The following SLC2A13 variants were observed in gnomAD, a reference collection of about 807,000 sequenced individuals.
SLC2A13 encodes proton myo-inositol cotransporter.
SLC2A13 carries 32 observed loss-of-function variants against 64.4 expected under a neutral mutation model. That is an observed-to-expected ratio of 0.50 (90% CI 0.37 to 0.67). The LOEUF (loss-of-function observed/expected upper bound fraction) is 0.67. SLC2A13 is among the 30% of genes least tolerant of loss of function. The pLI, the probability that SLC2A13 is intolerant of heterozygous loss-of-function variation, is 0.00. For missense variants in SLC2A13, 743 were observed against 829.2 expected (o/e 0.90, Z 1.28); for synonymous variants, 338 against 327.1 (o/e 1.03, Z -0.36).
At chr12:39,891,254 A>G (rs1944601924) in intron 4 of SLC2A13, among the ~76,000 whole-genome samples, 1 of 150,832 alleles carries the variant, frequency 6.6e-6, no homozygotes, top group Non-Finnish European at 1.5e-5. Context: ...CCCTGTGACT[A>G]CCATTCTATA....
At chr12:39,996,160 C>A (rs532725603) in intron 3 of SLC2A13, among the ~76,000 whole-genome samples, 1 of 152,088 alleles carries the variant, frequency 6.6e-6, no homozygotes, top group African/African-American at 2.4e-5. Flanking sequence ...GAACTTATTG[C>A]GGAATGGAGT....
At chr12:39,795,919 C>T (rs992562314) in intron 7 of SLC2A13, among the ~76,000 whole-genome samples, 2 of 152,074 alleles carry the variant, frequency 1.3e-5, no homozygotes, top group African/African-American at 2.4e-5. Context: ...CCTTTTAAAG[C>T]ATATAACTCA....
chr12:39,829,392 CTTTTTT>C (rs1202354539), intron 7 of SLC2A13: 5 of 65,796 alleles, frequency 7.6e-5, no homozygotes, highest in Non-Finnish European at 1.3e-4. Context: ...GATAGTAATT[CTTTTTT>C]TTTTTTTTTT....
chr12:39,878,428 C>T lies in SLC2A13; in HGVS notation c.1035-6467G>A, dbSNP rs574410509. Among the ~76,000 whole-genome samples, 5 of 152,282 alleles carry T rather than the reference C, an allele frequency of 3.3e-5. No individual in the cohort carries two copies. In the South Asian group the frequency reaches 1.0e-3, roughly 32 times the overall value. ...ACGGTGAAGTCTAGACTGCTGAGGT[C>T]TCAGGTAGAAATGAGGAACTTATTG... is the stretch of plus-strand genomic sequence containing the variant. On this transcript the variant is annotated intron_variant, in intron 4 of 9. Coordinates refer to ENST00000280871, the MANE Select transcript of SLC2A13 (RefSeq NM_052885.4).
intron 3 of SLC2A13, among the ~76,000 whole-genome samples, chr12:39,988,502 GAA>G (rs1158221377): frequency 3.1e-5 from 4 of 129,562 alleles, no homozygotes; most frequent in Non-Finnish European, 6.6e-5. Context: ...AGGAGAAAAA[GAA>G]AGAAAGAATG....
At chr12:39,804,705 C>G (rs552926953) in intron 7 of SLC2A13, among the ~76,000 whole-genome samples, 26 of 152,088 alleles carry the variant, frequency 1.7e-4, no homozygotes, top group Non-Finnish European at 3.1e-4. Context: ...TCTGTCCTCT[C>G]AGAGGACAGA....
chr12:39,815,720 T>C (rs138538065), intron 7 of SLC2A13, among the ~76,000 whole-genome samples: 2,142 of 152,268 alleles, frequency 0.014, 62 homozygotes, highest in African/African-American at 0.049. Context: ...TTTGAAGCAA[T>C]AGCTGAAAAG....
At chr12:39,902,358 TAAAA>T (rs57549426) in intron 4 of SLC2A13, among the ~76,000 whole-genome samples, 1 of 151,134 alleles carries the variant, frequency 6.6e-6, no homozygotes, top group Non-Finnish European at 1.5e-5. Flanking sequence ...AAATAAAAAT[TAAAA>T]AAAAGAAGAG....
intron 7 of SLC2A13, among the ~76,000 whole-genome samples, chr12:39,827,601 T>C (rs1485775965): frequency 6.6e-6 from 1 of 152,136 alleles, no homozygotes; most frequent in East Asian, 1.9e-4. Flanking sequence ...GGGATGCATG[T>C]TGGAGGTGTA....
At chr12:39,999,006 G>A (rs1355229832) in intron 3 of SLC2A13, among the ~76,000 whole-genome samples, 1 of 152,188 alleles carries the variant, frequency 6.6e-6, no homozygotes, top group Non-Finnish European at 1.5e-5. Context: ...GGACCAGCTG[G>A]AGCCGCAGCA....
intron 7 of SLC2A13, among the ~76,000 whole-genome samples, chr12:39,783,439 T>C (rs554327336): frequency 4.6e-5 from 7 of 152,348 alleles, no homozygotes; most frequent in Admixed American, 6.5e-5. Context: ...CCCTGAGGAA[T>C]CACCACACTG....
chr12:39,944,339 C>T (rs141684561), intron 4 of SLC2A13, among the ~76,000 whole-genome samples: 8,677 of 152,300 alleles, frequency 0.057, 377 homozygotes, highest in Middle Eastern at 0.14. Flanking sequence ...ATGAAATGTT[C>T]TATATGTATC....
intron 4 of SLC2A13, among the ~76,000 whole-genome samples, chr12:39,906,061 C>T (rs1448327232): frequency 1.3e-5 from 2 of 152,072 alleles, no homozygotes; most frequent in African/African-American, 2.4e-5. Context: ...ACAACTTTAT[C>T]ACGATAGACA....
intron 1 of SLC2A13, among the ~76,000 whole-genome samples, chr12:40,091,254 TTTATG>T (rs2136296916): frequency 6.6e-6 from 1 of 152,322 alleles, no homozygotes; most frequent in Admixed American, 6.5e-5. Flanking sequence ...ATGGCTGAAC[TTTATG>T]TTGTGTAAAA....
At chr12:39,822,834 G>A (rs1027915352) in intron 7 of SLC2A13, among the ~76,000 whole-genome samples, 2 of 152,152 alleles carry the variant, frequency 1.3e-5, no homozygotes, top group Non-Finnish European at 2.9e-5. Flanking sequence ...TATGAATATC[G>A]CTACTTGGAT....
At chr12:39,956,191 G>A (rs1161790660) in intron 3 of SLC2A13, among the ~76,000 whole-genome samples, 1 of 152,148 alleles carries the variant, frequency 6.6e-6, no homozygotes, top group Non-Finnish European at 1.5e-5. Context: ...AATAGCCTGA[G>A]TAGCCAGCCC....
chr12:40,085,312 T>G (rs1938554356), intron 1 of SLC2A13, among the ~76,000 whole-genome samples: 1 of 152,216 alleles, frequency 6.6e-6, no homozygotes, highest in Non-Finnish European at 1.5e-5. Flanking sequence ...AAAAAAGGTG[T>G]TGTAAAAACT....
chr12:39,933,913 C>A (rs1945875271), intron 4 of SLC2A13, among the ~76,000 whole-genome samples: 2 of 152,100 alleles, frequency 1.3e-5, no homozygotes, highest in African/African-American at 4.8e-5. Flanking sequence ...CTCAAGGTAG[C>A]ACAAGTGGTC....
intron 5 of SLC2A13, among the ~76,000 whole-genome samples, chr12:39,870,108 G>A (rs1180905395): frequency 6.6e-6 from 1 of 152,154 alleles, no homozygotes. Context: ...ATGAAGGAAC[G>A]AACACAGGTT....
Sources: allele counts gnomAD v4.1 joint callset (sites outside exome capture counted in the v4.1 genomes callset), GRCh38; gene constraint gnomAD v4.1.1; transcripts MANE v1.5; gene names NCBI Gene and HGNC (gene_info 2026-07-23, HGNC 2026-07-21).